Variants in LRBA observed in about 807,000 individuals in gnomAD.
The protein encoded by LRBA is LPS responsive beige-like anchor protein, also known as lipopolysaccharide-responsive and beige-like anchor protein.
LRBA carries 176 observed loss-of-function variants against 330.0 expected under a neutral mutation model. That is an observed-to-expected ratio of 0.53 (90% CI 0.47 to 0.60). LRBA has a LOEUF of 0.60. Ranked by LOEUF, LRBA falls within the 20% of genes least tolerant of loss-of-function variation. The probability of loss-of-function intolerance (pLI) is 0.00; values close to 1 mark genes in which losing one functional copy is unlikely to be tolerated. For missense variants in LRBA, 3,259 were observed against 3,444.8 expected (o/e 0.95, Z 1.35); for synonymous variants, 1,230 against 1,193.0 (o/e 1.03, Z -0.64).
chr4:150,422,902 A>C, intron 46 of LRBA: 1 of 853,130 alleles, frequency 1.2e-6, no homozygotes, highest in Non-Finnish European at 2.1e-6. Context: ...GACTGAACCA[A>C]GAGAAAGGGG....
At chr4:150,921,145 G>A in intron 5 of LRBA, 53 bp downstream of exon 5, 1 of 1,217,144 alleles carries the variant, frequency 8.2e-7, no homozygotes, top group Non-Finnish European at 1.2e-6. Context: ...TGTACTTTCA[G>A]GGAGCAAAGG....
At chr4:150,353,595 C>A (rs887855417) in intron 47 of LRBA, among the ~76,000 whole-genome samples, 1 of 152,108 alleles carries the variant, frequency 6.6e-6, no homozygotes, top group Non-Finnish European at 1.5e-5. Flanking sequence ...GGTTAGATTT[C>A]GATGCTTAAA....
At chr4:150,658,932 C>T (rs1371131258) in intron 37 of LRBA, among the ~76,000 whole-genome samples, 3 of 42,998 alleles carry the variant, frequency 7.0e-5, no homozygotes, top group Admixed American at 3.7e-4. Flanking sequence ...TTGGCCGGGC[C>T]GGTCTCCAGC....
intron 55 of LRBA, among the ~76,000 whole-genome samples, chr4:150,281,446 A>G (rs747485128): frequency 2.6e-5 from 4 of 152,156 alleles, no homozygotes; most frequent in African/African-American, 7.2e-5. Context: ...CATTTCCTCA[A>G]TGTAACCTAT....
intron 2 of LRBA, among the ~76,000 whole-genome samples, chr4:150,934,406 A>G (rs1403820766): frequency 6.6e-6 from 1 of 152,058 alleles, no homozygotes; most frequent in Non-Finnish European, 1.5e-5. Context: ...CAAAATACAA[A>G]CCTCTACTAT....
intron 36 of LRBA, among the ~76,000 whole-genome samples, chr4:150,734,215 C>T (rs913516060): frequency 9.2e-5 from 14 of 151,738 alleles, no homozygotes; most frequent in African/African-American, 2.2e-4. Context: ...CTGATATCTT[C>T]GTGTTTTTTC....
intron 17 of LRBA, among the ~76,000 whole-genome samples, chr4:150,881,320 G>A (rs1728361638): frequency 6.6e-6 from 1 of 152,108 alleles, no homozygotes; most frequent in Non-Finnish European, 1.5e-5. Flanking sequence ...ATACACCAAA[G>A]AATACTACAC....
chr4:150,541,367 T>A (rs1765302899), intron 40 of LRBA, among the ~76,000 whole-genome samples: 1 of 152,150 alleles, frequency 6.6e-6, no homozygotes, highest in Admixed American at 6.5e-5. Flanking sequence ...CTGGAAAAAC[T>A]GGGACAGGAG....
intron 37 of LRBA, among the ~76,000 whole-genome samples, chr4:150,651,167 G>A (rs1481928043): frequency 1.3e-5 from 2 of 151,960 alleles, no homozygotes; most frequent in Admixed American, 1.3e-4. Context: ...TTTACTATGG[G>A]CTCAATAAAT....
At chr4:150,604,073 A>C (rs1391320041) in intron 37 of LRBA, among the ~76,000 whole-genome samples, 1 of 152,148 alleles carries the variant, frequency 6.6e-6, no homozygotes, top group Admixed American at 6.6e-5. Flanking sequence ...GTTAAATGAT[A>C]CAACTATACA....
intron 43 of LRBA, among the ~76,000 whole-genome samples, chr4:150,470,088 C>G (rs1031327747): frequency 1.3e-5 from 2 of 152,160 alleles, no homozygotes; most frequent in Non-Finnish European, 2.9e-5. Context: ...GAGGCTGAGG[C>G]AGGAGAATCG....
intron 2 of LRBA, among the ~76,000 whole-genome samples, chr4:151,002,196 CAAAAAAA>C (rs143587760): frequency 8.2e-5 from 2 of 24,390 alleles, no homozygotes; most frequent in Non-Finnish European, 1.4e-4. Flanking sequence ...CATAAAACAG[CAAAAAAA>C]AAAAAAAAAA....
At position 150,283,178 on chromosome 4, in the gene LRBA, C is replaced by T. The variant is rs182912123; in HGVS notation, c.8120-532G>A. Among the ~76,000 whole-genome samples the T allele has an allele frequency of 5.3e-5, 8 of 152,256 alleles. No individual in the cohort carries two copies. The East Asian group carries it at 1.4e-3, about 26-fold the overall frequency. ...TACTTTTTTTACACTGAAAGGGGGT[C>T]CCTGGTAGTTCCTCTCAACCTCCAA... is the stretch of plus-strand genomic sequence containing the variant. On this transcript the variant is annotated intron_variant, in intron 54 of 56. Coordinates refer to ENST00000651943, the MANE Select transcript of LRBA (RefSeq NM_001364905.1).
chr4:150,389,422 CT>C (rs1743559680), intron 47 of LRBA, among the ~76,000 whole-genome samples: 1 of 151,386 alleles, frequency 6.6e-6, no homozygotes, highest in Admixed American at 6.6e-5. Context: ...CAGAGTTTTG[CT>C]TTGTTATGAC....
chr4:150,903,315 T>C (rs1730965299), intron 13 of LRBA, among the ~76,000 whole-genome samples: 1 of 149,910 alleles, frequency 6.7e-6, no homozygotes, highest in Admixed American at 6.6e-5. Flanking sequence ...AGCCCAGGAG[T>C]TTAAGGTCGC....
Position 150,472,593 on chromosome 4 carries a change from G to A in LRBA, c.6552-854C>T, listed in dbSNP as rs1432688769. Among the ~76,000 whole-genome samples the A allele has an allele frequency of 3.9e-5, 6 of 151,986 alleles. No homozygotes were observed. The East Asian group carries it at 1.2e-3, about 29-fold the overall frequency. On this transcript the variant is annotated intron_variant, in intron 42 of 56. Coordinates refer to ENST00000651943, the MANE Select transcript of LRBA (RefSeq NM_001364905.1). ...GGCCTTTTGGCTAAAATCAAGTGTAGAACATTTTCATCACTACAAAAATTT... is the reference window on the plus strand; with the variant it reads ...GGCCTTTTGGCTAAAATCAAGTGTAAAACATTTTCATCACTACAAAAATTT...
chr4:150,506,010 T>G (rs1761024060), intron 40 of LRBA, among the ~76,000 whole-genome samples: 1 of 152,156 alleles, frequency 6.6e-6, no homozygotes, highest in Non-Finnish European at 1.5e-5. Context: ...ACATACATCC[T>G]CCCAAGATTA....
At chr4:150,356,347 T>G (rs1364240563) in intron 47 of LRBA, among the ~76,000 whole-genome samples, 1 of 152,102 alleles carries the variant, frequency 6.6e-6, no homozygotes, top group Non-Finnish European at 1.5e-5. Context: ...ATTGTTTGTG[T>G]GCACCATTAG....
intron 34 of LRBA, among the ~76,000 whole-genome samples, chr4:150,786,711 T>C (rs1739112935): frequency 6.6e-6 from 1 of 152,198 alleles, no homozygotes; most frequent in African/African-American, 2.4e-5. Flanking sequence ...CAAAAAAATA[T>C]GTTTAAAAAA....
Sources: gnomAD v4.1 joint callset for allele counts (sites outside exome capture counted in the v4.1 genomes callset) on GRCh38, gnomAD v4.1.1 for gene constraint, MANE v1.5 for transcripts, NCBI Gene and HGNC (gene_info 2026-07-23, HGNC 2026-07-21) for gene names.